LINGO1: variants seen among roughly 807,000 people sequenced by gnomAD.
LINGO1 encodes leucine rich repeat and Ig domain containing 1.
Under a neutral mutation model 37.3 loss-of-function variants are expected in LINGO1, and 11 were observed. The ratio of observed to expected loss-of-function variants is 0.29; its 90% CI spans 0.19 to 0.49. The LOEUF is 0.49. LINGO1 is among the 20% of genes least tolerant of loss of function. The pLI is 0.99. For synonymous variants in LINGO1, 387 were observed against 403.0 expected (o/e 0.96, Z 0.48); for missense variants, 585 against 878.2 (o/e 0.67, Z 4.22).
intron 1 of LINGO1, among the ~76,000 whole-genome samples, chr15:77,801,291 C>T (rs2076916411): frequency 1.3e-5 from 2 of 152,130 alleles, no homozygotes; most frequent in African/African-American, 4.8e-5. Context: ...AGAGAAAGTT[C>T]AAATAAAATA....
At chr15:77,755,265 G>T (rs993930092) in intron 1 of LINGO1, among the ~76,000 whole-genome samples, 1 of 152,214 alleles carries the variant, frequency 6.6e-6, no homozygotes. Flanking sequence ...GATGGGGAAG[G>T]AGGAAGCTCC....
At position 77,632,909 on chromosome 15, in the gene LINGO1, C is replaced by G. The variant is rs971175198; in HGVS notation, c.-594G>C. Among the ~76,000 whole-genome samples, 1 of 150,828 alleles carries G rather than the reference C, an allele frequency of 6.6e-6. No individual in the cohort carries two copies. Among genetic ancestry groups the G allele is most frequent in the East Asian group, 2.0e-4 (1 of 5,054 alleles). ...GCTCTGCAGCGGCGCGGGGAGGGAG[C>G]ACTAGGAGCGAGCCAGGGAGGGAGG... On this transcript the variant is annotated 5_prime_UTR_variant, in exon 1 of 2. Coordinates refer to ENST00000355300, the MANE Select transcript of LINGO1 (RefSeq NM_032808.7). This position sits in a 1 kb window ranked among gnomAD's most constrained non-coding sequence, Gnocchi z 6.0.
At chr15:77,820,562 A>T (rs1047690220), upstream of LINGO1, among the ~76,000 whole-genome samples, 5 of 152,080 alleles carry the variant, frequency 3.3e-5, no homozygotes, top group African/African-American at 1.2e-4. Context: ...CCAGGTGAAG[A>T]CACCTGTCAT....
intron 1 of LINGO1, among the ~76,000 whole-genome samples, chr15:77,779,444 C>T (rs927040836): frequency 3.3e-5 from 5 of 152,044 alleles, no homozygotes; most frequent in African/African-American, 1.2e-4. Context: ...TTATACAACT[C>T]ACCATAATGT....
chr15:77,749,902 T>C lies in LINGO1; in HGVS notation c.-256-14849A>G, dbSNP rs1021608751. 3.3e-5 allele frequency among the ~76,000 whole-genome samples: 5 copies of C among 150,812 alleles called. No individual in the cohort carries two copies. The East Asian group carries it at 9.7e-4, about 29-fold the overall frequency. ...ACCGGACTTTCTGGACAAGCTGCCA[T>C]GGGGCAGGCCGGCTCTCTCCAATTT... is the stretch of plus-strand genomic sequence containing the variant. On this transcript the variant is annotated intron_variant, in intron 1 of 3. Transcript: ENST00000561686.
intron 1 of LINGO1, among the ~76,000 whole-genome samples, chr15:77,778,700 A>C (rs2141420751): frequency 6.6e-6 from 1 of 152,336 alleles, no homozygotes; most frequent in Non-Finnish European, 1.5e-5. Flanking sequence ...CACGGCCACC[A>C]GCACAGACCA....
chr15:77,692,437 A>C (rs2075620371), intron 1 of LINGO1, among the ~76,000 whole-genome samples: 1 of 152,190 alleles, frequency 6.6e-6, no homozygotes, highest in Non-Finnish European at 1.5e-5. Context: ...TCTCCTTTTT[A>C]ATTTCATGGC....
chr15:77,724,026 G>A (rs575082590), intron 2 of LINGO1, among the ~76,000 whole-genome samples: 9 of 152,294 alleles, frequency 5.9e-5, no homozygotes, highest in South Asian at 4.2e-4. Context: ...AGAAATAGCC[G>A]GGCGTGCGTG....
At chr15:77,737,250 C>T (rs1481810011) in intron 1 of LINGO1, among the ~76,000 whole-genome samples, 5 of 152,184 alleles carry the variant, frequency 3.3e-5, no homozygotes, top group African/African-American at 1.2e-4. Flanking sequence ...AGAACAGTTC[C>T]CATTTACTCA....
intron 2 of LINGO1, among the ~76,000 whole-genome samples, chr15:77,792,447 C>G (rs1199372316): frequency 2.6e-5 from 4 of 152,230 alleles, no homozygotes; most frequent in Admixed American, 2.6e-4. Flanking sequence ...TTCTCAGCCC[C>G]TCTTCCTCAA....
chr15:77,665,170 G>A (rs927084099), intron 3 of LINGO1, among the ~76,000 whole-genome samples: 2 of 152,146 alleles, frequency 1.3e-5, no homozygotes, highest in African/African-American at 2.4e-5. Context: ...CCAAATCCTC[G>A]AAAAGCTTCC....
intron 1 of LINGO1, among the ~76,000 whole-genome samples, chr15:77,776,526 A>AAGGCAGGAAAGC (rs1344764444): frequency 2.8e-5 from 1 of 35,754 alleles, no homozygotes; most frequent in South Asian, 1.1e-3. Context: ...GGAAGGGAGG[A>AAGGCAGGAAAGC]AGGGAGGGAG....
intron 1 of LINGO1, among the ~76,000 whole-genome samples, chr15:77,805,556 T>C (rs1596247924): frequency 6.6e-6 from 1 of 152,226 alleles, no homozygotes; most frequent in East Asian, 1.9e-4. Flanking sequence ...GGCTCTCTGC[T>C]AGTTGGCAGA....
chr15:77,803,466 A>T (rs1308114264), intron 1 of LINGO1, among the ~76,000 whole-genome samples: 1 of 151,966 alleles, frequency 6.6e-6, no homozygotes, highest in Non-Finnish European at 1.5e-5. Context: ...ACAAACAAAA[A>T]ATCTGAAGAA....
intron 1 of LINGO1, among the ~76,000 whole-genome samples, chr15:77,741,471 C>T (rs1302456597): frequency 2.6e-5 from 4 of 152,300 alleles, no homozygotes; most frequent in African/African-American, 9.6e-5. Flanking sequence ...GGCTCTTGCC[C>T]CAGGAAGGCC....
intron 1 of LINGO1, chr15:77,819,239 C>T (rs1322973269): frequency 6.7e-6 from 1 of 149,330 alleles, no homozygotes; most frequent in African/African-American, 2.4e-5. Flanking sequence ...GGCCCTGGCC[C>T]CGCTGCAGCG....
intron 2 of LINGO1, among the ~76,000 whole-genome samples, chr15:77,731,273 C>T (rs1170781534): frequency 1.3e-5 from 2 of 152,166 alleles, no homozygotes; most frequent in African/African-American, 4.8e-5. Flanking sequence ...CAGAGAGCCG[C>T]CCCACTGCCC....
At chr15:77,806,182 G>C (rs1454562850) in intron 1 of LINGO1, among the ~76,000 whole-genome samples, 1 of 152,208 alleles carries the variant, frequency 6.6e-6, no homozygotes, top group African/African-American at 2.4e-5. Context: ...GGCAGATAAA[G>C]AGCAATGCTG....
chr15:77,647,706 G>A (rs188849506), intron 3 of LINGO1: 14 of 367,646 alleles, frequency 3.8e-5, no homozygotes, highest in South Asian at 1.0e-4. Flanking sequence ...CTGGCAAAAC[G>A]TTGCACACCT....
Sources: gnomAD v4.1 joint callset for allele counts (sites outside exome capture counted in the v4.1 genomes callset) on GRCh38, gnomAD v4.1.1 for gene constraint, Gnocchi (gnomAD v3.1) non-coding constraint, MANE v1.5 for transcripts, NCBI Gene and HGNC (gene_info 2026-07-23, HGNC 2026-07-21) for gene names.